The following RCVRN variants were observed in gnomAD, a reference collection of about 807,000 sequenced individuals.
RCVRN encodes the protein recoverin, also known as cancer associated retinopathy antigen.
In RCVRN, 23 loss-of-function variants were observed where a neutral mutation model predicts 20.4. That is an observed-to-expected ratio of 1.13 (90% CI 0.81 to 1.60). The LOEUF is 1.60. Ranked by LOEUF, RCVRN falls within the 40% of genes most tolerant of loss-of-function variation. RCVRN has a pLI of 0.00. For missense variants in RCVRN, 254 were observed against 254.2 expected (o/e 1.00, Z 0.00); for synonymous variants, 105 against 105.9 (o/e 0.99, Z 0.05).
chr17:9,898,268 C>T (rs1223301996), intron 2 of RCVRN, 64 bp from the exon 3 acceptor site: 21 of 979,940 alleles, frequency 2.1e-5, no homozygotes, highest in East Asian at 4.8e-5. Context: ...AAGTGAGCTG[C>T]GATGAGGCTG....
chr17:9,900,996 A>T lies in RCVRN; in HGVS notation c.486T>A (p.Asn162Lys), dbSNP rs1346588139. ...AEKIWKYFGK[N>K]DDDKLTEKEF... is the part of the protein sequence containing the mutation. Reference sequence around the variant, plus strand: ...GAAGGAAAAGGAATTCACCATCATCATTCTTTCCAAAGTACTTCCAGATCT... The same window carrying T: ...GAAGGAAAAGGAATTCACCATCATCTTTCTTTCCAAAGTACTTCCAGATCT... Residue 162 changes from asparagine to lysine, a missense_variant, in exon 2 of 3, where the codon AAT becomes AAA. By Grantham distance (94) the Asn-to-Lys change is moderately conservative. Coordinates refer to ENST00000226193, the MANE Select transcript of RCVRN (RefSeq NM_002903.3). 1.9e-6 allele frequency: 3 copies of T among 1,591,098 alleles called. No homozygotes were observed. The highest frequency in any genetic ancestry group is 2.3e-5 in the East Asian group (1 of 44,430).
rs747702153 is a variant in RCVRN at position 9,905,202 on chromosome 17, G to T, written c.-22C>A. 6.3e-7 allele frequency: 1 copy of T among 1,586,036 alleles called. No individual in the cohort carries two copies. Among genetic ancestry groups the T allele is most frequent in the Non-Finnish European group, 8.6e-7 (1 of 1,166,486 alleles). ...CCATGAGTGAGGAAGAGTGGGCAGC[G>T]GCTGGGGAGTCGCTGGGTGGGTGGG... On this transcript the variant is annotated 5_prime_UTR_variant, in exon 1 of 3. Transcript: ENST00000226193.
Position 9,899,087 on chromosome 17 carries a change from C to A in RCVRN, c.494-883G>T, listed in dbSNP as rs963049709. 6.6e-6 allele frequency among the ~76,000 whole-genome samples: 1 copy of A among 152,132 alleles called. No individual in the cohort carries two copies. Among genetic ancestry groups the A allele is most frequent in the Non-Finnish European group, 1.5e-5 (1 of 68,022 alleles). ...CCTCCCTGGGAAACTGTTGACCTGG[C>A]GGGGAAGGCAGTCACACGCAGAAAT... On this transcript the variant is annotated intron_variant, in intron 2 of 2. Transcript: ENST00000226193. The surrounding 1 kb of genome is among the most constrained non-coding windows in gnomAD (Gnocchi z 4.6).
rs1007541408 is a variant in RCVRN at position 9,897,950 on chromosome 17, G to C, written c.*145C>G. On this transcript the variant is annotated 3_prime_UTR_variant, in exon 3 of 3. Coordinates refer to ENST00000226193, the MANE Select transcript of RCVRN (RefSeq NM_002903.3). ...TGGCAGGGAGCTGTGCTGTGGGCTTGTGTGCAGGCCTTTCTCTTGGCCCTG... is the reference window on the plus strand; with the variant it reads ...TGGCAGGGAGCTGTGCTGTGGGCTTCTGTGCAGGCCTTTCTCTTGGCCCTG... The C allele has an allele frequency of 9.2e-6, 6 of 653,124 alleles. No individual in the cohort carries two copies. The highest frequency in any genetic ancestry group is 1.7e-5 in the Non-Finnish European group (6 of 362,154). 40.5% of individuals were successfully genotyped at this position (653,124 alleles called of 1,614,324 possible). A position where few individuals can be genotyped will look rare whatever the true frequency, so the allele number is the denominator to read the frequency against.
intron 2 of RCVRN, among the ~76,000 whole-genome samples, chr17:9,900,519 C>CCTAACCTTCCTTTCTTTCCTAACCTT (rs1567747247): frequency 1.9e-4 from 29 of 152,208 alleles, no homozygotes; most frequent in African/African-American, 6.5e-4. Flanking sequence ...TCCTTTCTTT[C>CCTAACCTTCCTTTCTTTCCTAACCTT]CCTCTCTCCC....
At position 9,897,854 on chromosome 17, in the gene RCVRN, C is replaced by T. The variant is rs111238025; in HGVS notation, c.*241G>A. The T allele has an allele frequency of 1.3e-4, 65 of 493,668 alleles. No individual in the cohort carries two copies. The highest frequency in any genetic ancestry group is 1.9e-4 in the African/African-American group (10 of 51,350). The allele number at this position is 493,668 out of a possible 1,614,324, so 30.6% of individuals were successfully genotyped here. ...TGGTGGACAGAGGGAGGGGTGGGAC[C>T]GGGCATGATGGGAGGGAATGCTGAA... On this transcript the variant is annotated 3_prime_UTR_variant, in exon 3 of 3. Transcript: ENST00000226193.
rs67434969 is a variant in RCVRN at position 9,904,298 on chromosome 17, C to T, written c.381+502G>A. On this transcript the variant is annotated intron_variant, in intron 1 of 2. Coordinates refer to ENST00000226193, the MANE Select transcript of RCVRN (RefSeq NM_002903.3). The surrounding 1 kb of genome is among the most constrained non-coding windows in gnomAD (Gnocchi z 5.8). ...AAATGGTAGACCTGTCTAGGGCACT[C>T]ACCATGAGTGGAGCTTGCAGGACTG... Among the ~76,000 whole-genome samples the T allele has an allele frequency of 0.12, 17,688 of 152,188 alleles. 1,681 individuals carry two copies. Among genetic ancestry groups the T allele is most frequent in the African/African-American group, 0.27 (11,072 of 41,484 alleles).
chr17:9,900,228 T>C (rs2152054374), intron 2 of RCVRN, among the ~76,000 whole-genome samples: 1 of 152,256 alleles, frequency 6.6e-6, no homozygotes, highest in East Asian at 1.9e-4. Flanking sequence ...AGCCCCAGCC[T>C]AATACCAGCT....
In RCVRN at chr17:9,904,650, G is replaced by T; in HGVS notation, c.381+150C>A. ...AGTGCCCACCCCTCTATCAATATCA[G>T]CATCTCGGAGCACCACGCTCTCAGA... On this transcript the variant is annotated intron_variant, in intron 1 of 2. Coordinates refer to ENST00000226193, the MANE Select transcript of RCVRN (RefSeq NM_002903.3). This position sits in a 1 kb window ranked among gnomAD's most constrained non-coding sequence, Gnocchi z 5.8. The T allele has an allele frequency of 1.2e-6, 1 of 850,848 alleles. No homozygotes were observed. The highest frequency in any genetic ancestry group is 2.6e-5 in the East Asian group (1 of 38,938). The allele number at this position is 850,848 out of a possible 1,614,324, so 52.7% of individuals were successfully genotyped here. A position where few individuals can be genotyped will look rare whatever the true frequency, so the allele number is the denominator to read the frequency against.
chr17:9,901,791 T>C lies in RCVRN; in HGVS notation c.382-691A>G, dbSNP rs183763378. Among the ~76,000 whole-genome samples the C allele has an allele frequency of 3.0e-4, 45 of 152,330 alleles. No individual in the cohort carries two copies. In the East Asian group the frequency reaches 6.0e-3, roughly 20 times the overall value. Reference sequence around the variant, plus strand: ...AGACCTCCAGAGCCTCAGGAAAGACTGCAAAAATAATCAAATCCTCACCCT... The same window carrying C: ...AGACCTCCAGAGCCTCAGGAAAGACCGCAAAAATAATCAAATCCTCACCCT... On this transcript the variant is annotated intron_variant, in intron 1 of 2. Coordinates refer to ENST00000226193, the MANE Select transcript of RCVRN (RefSeq NM_002903.3).
At chr17:9,900,640 T>G (rs2067337365) in intron 2 of RCVRN, among the ~76,000 whole-genome samples, 1 of 152,064 alleles carries the variant, frequency 6.6e-6, no homozygotes. Context: ...GCAATCTCAT[T>G]TAAATCTAAT....
At chr17:9,902,919 G>C (rs1268300305) in intron 1 of RCVRN, among the ~76,000 whole-genome samples, 1 of 152,186 alleles carries the variant, frequency 6.6e-6, no homozygotes, top group African/African-American at 2.4e-5. Context: ...AACCCAGGAG[G>C]GGGAGGTTGC....
chr17:9,898,974 C>T (rs2067330474), intron 2 of RCVRN, among the ~76,000 whole-genome samples: 2 of 152,158 alleles, frequency 1.3e-5, no homozygotes, highest in South Asian at 4.1e-4. Flanking sequence ...AATGCATGGT[C>T]CTGAGCCCAG....
At position 9,905,102 on chromosome 17, in the gene RCVRN, C is replaced by T. The variant is rs1440230432; in HGVS notation, c.79G>A (p.Glu27Lys). The T allele has an allele frequency of 1.2e-5, 19 of 1,609,850 alleles. No homozygotes were observed. The highest frequency in any genetic ancestry group is 1.6e-5 in the Non-Finnish European group (19 of 1,178,230). ...AAGGACTGGTACCAGGAGCACAGCT[C>T]CTCCTCCGAGAACTTGGTGTTCAGC... ...LQLNTKFSEE[E>K]LCSWYQSFLK... The change falls in exon 1 of 3, where the codon GAG (glutamate) becomes AAG (lysine). Residue 27 changes from glutamate (E) to lysine (K), a missense_variant. Glu to Lys is a moderately conservative substitution (Grantham distance 56). Transcript: ENST00000226193.
Position 9,905,063 on chromosome 17 carries a change from G to A in RCVRN, c.118C>T (p.Pro40Ser). ...TGCTGCTGGGTGATGCGGCCGGTGG[G>A]ACAGTCCTTCAGGAAGGACTGGTAC... ...SWYQSFLKDC[P>S]TGRITQQQFQ... The change falls in exon 1 of 3, where the codon CCC becomes TCC. Residue 40 changes from proline (P) to serine (S), a missense_variant. Transcript: ENST00000226193. 2 of 1,612,336 alleles carry A rather than the reference G, an allele frequency of 1.2e-6. No individual in the cohort carries two copies. Among genetic ancestry groups the A allele is most frequent in the Non-Finnish European group, 1.7e-6 (2 of 1,179,152 alleles).
intron 1 of RCVRN, among the ~76,000 whole-genome samples, chr17:9,903,281 G>C (rs2067349097): frequency 6.6e-6 from 1 of 152,216 alleles, no homozygotes; most frequent in African/African-American, 2.4e-5. Context: ...TACGAGGTTA[G>C]TGGAAAAGTA....
intron 2 of RCVRN, 111 bp downstream of exon 2, chr17:9,900,878 T>A: frequency 1.5e-6 from 1 of 661,970 alleles, no homozygotes; most frequent in Non-Finnish European, 2.7e-6. Context: ...TGGAATGAGG[T>A]GTCCCCCATC....
chr17:9,904,693 C>G lies in RCVRN; in HGVS notation c.381+107G>C, dbSNP rs1340070759. ...CTCTCAGAGCCAGTGGCCCGCATCCCCCGCTCCACCCACAGATCCACTCCC... is the reference window on the plus strand; with the variant it reads ...CTCTCAGAGCCAGTGGCCCGCATCCGCCGCTCCACCCACAGATCCACTCCC... On this transcript the variant is annotated intron_variant, in intron 1 of 2. Transcript: ENST00000226193. The surrounding 1 kb of genome is among the most constrained non-coding windows in gnomAD (Gnocchi z 5.8). 7.6e-7 allele frequency: 1 copy of G among 1,321,632 alleles called. No homozygotes were observed. Among genetic ancestry groups the G allele is most frequent in the African/African-American group, 1.5e-5 (1 of 68,556 alleles). 81.9% of individuals were successfully genotyped at this position (1,321,632 alleles called of 1,614,324 possible). A position where few individuals can be genotyped will look rare whatever the true frequency, so the allele number is the denominator to read the frequency against.
rs2067325377 is a variant in RCVRN at position 9,898,000 on chromosome 17, G to GTGTGTGTGCA, written c.*94_*95insTGCACACACA. The GTGTGTGTGCA allele has an allele frequency of 4.1e-6, 3 of 726,146 alleles. No homozygotes were observed. Among genetic ancestry groups the GTGTGTGTGCA allele is most frequent in the Non-Finnish European group, 7.5e-6 (3 of 398,758 alleles). 45.0% of individuals were successfully genotyped at this position (726,146 alleles called of 1,614,324 possible). A position where few individuals can be genotyped will look rare whatever the true frequency, so the allele number is the denominator to read the frequency against. On this transcript the variant is annotated 3_prime_UTR_variant, in exon 3 of 3. Coordinates refer to ENST00000226193, the MANE Select transcript of RCVRN (RefSeq NM_002903.3). ...GGGGTGGATGTGTGTGTGTGTGTGT[G>GTGTGTGTGCA]CGCGCGCGTGTGTGTGCATGTGTGT...
Sources: allele counts gnomAD v4.1 joint callset (sites outside exome capture counted in the v4.1 genomes callset), GRCh38; gene constraint gnomAD v4.1.1; non-coding constraint Gnocchi (gnomAD v3.1); transcripts MANE v1.5; gene names NCBI Gene and HGNC (gene_info 2026-07-23, HGNC 2026-07-21).